The following BCAR3 variants were observed in gnomAD, a reference collection of about 807,000 sequenced individuals.
BCAR3 encodes breast cancer anti-estrogen resistance protein 3.
BCAR3 carries 37 observed loss-of-function variants against 80.1 expected under a neutral mutation model. The observed-to-expected ratio is 0.46, with a 90% CI of 0.36 to 0.61. The LOEUF is 0.61. Among genes scored for constraint, BCAR3 ranks in the 20% least tolerant of loss-of-function variants. The pLI is 0.00. For synonymous variants in BCAR3, 389 were observed against 418.9 expected, an observed-to-expected ratio of 0.93 and a Z score of 0.87; for missense variants, 978 against 1,068.2, an observed-to-expected ratio of 0.92 and a Z score of 1.18.
At chr1:93,786,673 C>T (rs1444754127) in intron 2 of BCAR3, among the ~76,000 whole-genome samples, 3 of 152,150 alleles carry the variant, frequency 2.0e-5, no homozygotes, top group Non-Finnish European at 4.4e-5. Flanking sequence ...TCAGAACCTC[C>T]AAAAGCACAG....
At chr1:93,739,469 C>T (rs912061908) in intron 2 of BCAR3, among the ~76,000 whole-genome samples, 1 of 152,038 alleles carries the variant, frequency 6.6e-6, no homozygotes, top group Non-Finnish European at 1.5e-5. Context: ...TTAAAATATT[C>T]TAAAATAAAA....
chr1:93,776,567 T>G lies in BCAR3; in HGVS notation c.-63+69000A>C, dbSNP rs72967303. Among the ~76,000 whole-genome samples, 508 of 152,380 alleles carry G rather than the reference T, an allele frequency of 3.3e-3. 4 individuals carry two copies. The highest frequency in any genetic ancestry group is 0.017 in the Middle Eastern group (5 of 294). On this transcript the variant is annotated intron_variant, in intron 2 of 13. Coordinates refer to the BCAR3 transcript ENST00000370244. ...TGTTACGTCTATTATGTCCATTTTATTATAATTTACAGAGCTCTCTCCTGG... is the reference window on the plus strand; with the variant it reads ...TGTTACGTCTATTATGTCCATTTTAGTATAATTTACAGAGCTCTCTCCTGG...
At chr1:93,755,019 T>C (rs1028950617) in intron 2 of BCAR3, among the ~76,000 whole-genome samples, 4 of 152,150 alleles carry the variant, frequency 2.6e-5, no homozygotes, top group Non-Finnish European at 5.9e-5. Context: ...TGACCCTGCC[T>C]AGGCTGAGGC....
chr1:93,764,472 G>A (rs1652070662), intron 2 of BCAR3, among the ~76,000 whole-genome samples: 1 of 151,992 alleles, frequency 6.6e-6, no homozygotes, highest in African/African-American at 2.4e-5. Context: ...CCCAGCCCAG[G>A]CACCAAGCCC....
At chr1:93,786,009 C>G (rs953963495) in intron 2 of BCAR3, among the ~76,000 whole-genome samples, 1 of 118,784 alleles carries the variant, frequency 8.4e-6, no homozygotes, top group African/African-American at 4.3e-5. Flanking sequence ...CTGGCTAACA[C>G]GGTGAAACCC....
chr1:93,665,047 G>A (rs1647837040), intron 2 of BCAR3, among the ~76,000 whole-genome samples: 1 of 151,254 alleles, frequency 6.6e-6, no homozygotes, highest in South Asian at 2.1e-4. Context: ...AAGCCTCTAA[G>A]AGGAAGGGCT....
intron 2 of BCAR3, among the ~76,000 whole-genome samples, chr1:93,710,732 C>T (rs1185592065): frequency 6.6e-6 from 1 of 152,226 alleles, no homozygotes; most frequent in East Asian, 1.9e-4. Flanking sequence ...CCTCCCCCTG[C>T]TTTATCTAGC....
intron 2 of BCAR3, among the ~76,000 whole-genome samples, chr1:93,841,063 C>A (rs1037400257): frequency 6.6e-6 from 1 of 152,178 alleles, no homozygotes; most frequent in African/African-American, 2.4e-5. Context: ...CCTTGGGAAT[C>A]CAGGAGTCCC....
intron 2 of BCAR3, among the ~76,000 whole-genome samples, chr1:93,819,506 G>A (rs1176809928): frequency 6.6e-6 from 1 of 152,122 alleles, no homozygotes; most frequent in East Asian, 1.9e-4. Context: ...AAGATACAAA[G>A]GTAGGTTGCT....
At chr1:93,567,676 C>T (rs1185887153) in intron 10 of BCAR3, 64 bp downstream of exon 10, 24 of 1,501,084 alleles carry the variant, frequency 1.6e-5, no homozygotes, top group Non-Finnish European at 1.8e-6. Context: ...CATAACATGC[C>T]CTGTGTACTT....
intron 2 of BCAR3, among the ~76,000 whole-genome samples, chr1:93,840,776 C>T (rs1654932230): frequency 6.6e-6 from 1 of 152,190 alleles, no homozygotes; most frequent in Non-Finnish European, 1.5e-5. Flanking sequence ...AGTTAGAAAG[C>T]ACGGATGTTT....
intron 3 of BCAR3, among the ~76,000 whole-genome samples, chr1:93,702,550 G>T (rs1450322223): frequency 9.2e-5 from 14 of 152,166 alleles, no homozygotes; most frequent in Non-Finnish European, 1.6e-4. Flanking sequence ...AGGCCCAGGT[G>T]GGGGTGGGGA....
At chr1:93,618,398 G>C (rs1675204221) in intron 3 of BCAR3, among the ~76,000 whole-genome samples, 2 of 152,214 alleles carry the variant, frequency 1.3e-5, no homozygotes, top group South Asian at 4.1e-4. Context: ...AAGCAATATT[G>C]ATCTGCCTAG....
intron 3 of BCAR3, among the ~76,000 whole-genome samples, chr1:93,606,636 C>A (rs183574583): frequency 1.4e-4 from 22 of 152,230 alleles, no homozygotes; most frequent in African/African-American, 4.8e-4. Flanking sequence ...GGTCCAGGTG[C>A]TATGGACATA....
intron 2 of BCAR3, among the ~76,000 whole-genome samples, chr1:93,724,364 T>C (rs1465829524): frequency 6.6e-6 from 1 of 152,232 alleles, no homozygotes; most frequent in East Asian, 1.9e-4. Context: ...GGTCTGTTTC[T>C]GCTGCTGGGG....
chr1:93,815,670 T>C (rs2100810919), intron 2 of BCAR3, among the ~76,000 whole-genome samples: 1 of 152,344 alleles, frequency 6.6e-6, no homozygotes, highest in African/African-American at 2.4e-5. Flanking sequence ...TGATTCATTC[T>C]GCTGCACAGG....
intron 2 of BCAR3, among the ~76,000 whole-genome samples, chr1:93,812,439 C>T (rs187570326): frequency 4.0e-4 from 61 of 152,332 alleles, no homozygotes; most frequent in South Asian, 1.2e-3. Context: ...TCTGCACCAC[C>T]TGCCAAATAT....
intron 2 of BCAR3, among the ~76,000 whole-genome samples, chr1:93,799,338 T>C (rs1262393621): frequency 2.0e-5 from 3 of 152,232 alleles, no homozygotes; most frequent in Non-Finnish European, 4.4e-5. Context: ...ATTTACTGAA[T>C]AGTTATTTGT....
At chr1:93,699,176 C>T (rs781760577) in intron 3 of BCAR3, among the ~76,000 whole-genome samples, 11 of 152,300 alleles carry the variant, frequency 7.2e-5, no homozygotes, top group East Asian at 3.9e-4. Context: ...TAACCCTGGT[C>T]GGCCAGTAAA....
Sources: allele counts gnomAD v4.1 joint callset (sites outside exome capture counted in the v4.1 genomes callset), GRCh38; gene constraint gnomAD v4.1.1; transcripts MANE v1.5; gene names NCBI Gene and HGNC (gene_info 2026-07-23, HGNC 2026-07-21).